The following CACHD1 variants were observed in gnomAD, a reference collection of about 807,000 sequenced individuals.
The protein encoded by CACHD1 is VWFA and cache domain-containing protein 1.
In CACHD1, 71 loss-of-function variants were observed where a neutral mutation model predicts 138.7. That is an observed-to-expected ratio of 0.51 (90% CI 0.42 to 0.62). The LOEUF (loss-of-function observed/expected upper bound fraction) is 0.62. Among genes scored for constraint, CACHD1 ranks in the 20% least tolerant of loss-of-function variants. CACHD1 has a pLI of 0.00. For missense variants in CACHD1, 1,389 were observed against 1,625.3 expected, an observed-to-expected ratio of 0.85 and a Z score of 2.50; for synonymous variants, 578 against 591.5, an observed-to-expected ratio of 0.98 and a Z score of 0.33.
chr1:64,607,557 A>G (rs1647379984), intron 4 of CACHD1, among the ~76,000 whole-genome samples: 1 of 152,200 alleles, frequency 6.6e-6, no homozygotes, highest in African/African-American at 2.4e-5. Flanking sequence ...GATATTTTTT[A>G]ATTGAGAGAA....
chr1:64,655,610 G>A (rs1649236958), intron 12 of CACHD1, among the ~76,000 whole-genome samples: 1 of 152,116 alleles, frequency 6.6e-6, no homozygotes, highest in Non-Finnish European at 1.5e-5. Flanking sequence ...CATAACTTGT[G>A]GCACCCATTT....
intron 4 of CACHD1, among the ~76,000 whole-genome samples, chr1:64,611,411 T>C (rs1647529535): frequency 6.6e-6 from 1 of 152,236 alleles, no homozygotes; most frequent in African/African-American, 2.4e-5. Context: ...ATTCCAGTTT[T>C]AGATAATCTC....
At chr1:64,509,953 C>T (rs964529891) in intron 1 of CACHD1, among the ~76,000 whole-genome samples, 3 of 152,178 alleles carry the variant, frequency 2.0e-5, no homozygotes, top group African/African-American at 7.2e-5. Flanking sequence ...GAAAAACTGG[C>T]AACCCAGATA....
At chr1:64,525,366 TATTTACCCGATTTGAAAAA>T (rs1646530175) in intron 1 of CACHD1, among the ~76,000 whole-genome samples, 2 of 152,156 alleles carry the variant, frequency 1.3e-5, no homozygotes, top group African/African-American at 4.8e-5. Flanking sequence ...GTCAACTTGA[TATTTACCCGATTTGAAAAA>T]TAACCTATCA....
chr1:64,654,558 A>C (rs1009423880), intron 11 of CACHD1, 128 bp from the exon 12 acceptor site: 3 of 683,204 alleles, frequency 4.4e-6, no homozygotes. Flanking sequence ...ATCCTTTCAA[A>C]ACTGATGAGC....
chr1:64,561,828 A>G (rs1256217191), intron 2 of CACHD1, among the ~76,000 whole-genome samples: 4 of 146,630 alleles, frequency 2.7e-5, no homozygotes, highest in Non-Finnish European at 4.5e-5. Flanking sequence ...GCTGCACTCC[A>G]GTCTGGGGAA....
At chr1:64,633,586 TA>T (rs1449105370) in intron 6 of CACHD1, among the ~76,000 whole-genome samples, 1 of 152,180 alleles carries the variant, frequency 6.6e-6, no homozygotes, top group Non-Finnish European at 1.5e-5. Flanking sequence ...TGGGTACAGC[TA>T]ATGATAATCT....
rs537294214 is a variant in CACHD1, at chr1:64,605,582, T to C, written c.517+2670T>C. On this transcript the variant is annotated intron_variant, in intron 4 of 26. Transcript: ENST00000651257. ...AGTCTGGTGTTGAGATTCTAGAAGCTCCATTAACCTCCTGGCTGTGTGACT... is the reference window on the plus strand; with the variant it reads ...AGTCTGGTGTTGAGATTCTAGAAGCCCCATTAACCTCCTGGCTGTGTGACT... Among the ~76,000 whole-genome samples, 6 of 152,270 alleles carry C rather than the reference T, an allele frequency of 3.9e-5. 1 individual carries two copies. The highest frequency in any genetic ancestry group is 1.4e-4 in the African/African-American group (6 of 41,550).
At chr1:64,504,424 T>C (rs1646356361) in intron 1 of CACHD1, among the ~76,000 whole-genome samples, 1 of 152,214 alleles carries the variant, frequency 6.6e-6, no homozygotes, top group Non-Finnish European at 1.5e-5. Context: ...TAGAACTGTT[T>C]CTTGAGGAAC....
At chr1:64,686,436 G>A (rs1650374184) in intron 26 of CACHD1, among the ~76,000 whole-genome samples, 1 of 152,084 alleles carries the variant, frequency 6.6e-6, no homozygotes, top group Non-Finnish European at 1.5e-5. Flanking sequence ...AATTTTAATT[G>A]TTGTATCTTA....
At chr1:64,513,125 A>G (rs1292407639) in intron 1 of CACHD1, among the ~76,000 whole-genome samples, 1 of 152,200 alleles carries the variant, frequency 6.6e-6, no homozygotes, top group Non-Finnish European at 1.5e-5. Context: ...ATTTACAGCA[A>G]TATTTCTGTG....
intron 3 of CACHD1, among the ~76,000 whole-genome samples, chr1:64,598,767 T>C (rs1219257244): frequency 6.6e-6 from 1 of 152,076 alleles, no homozygotes; most frequent in African/African-American, 2.4e-5. Context: ...ATGAATAAGA[T>C]AATTTGTTCA....
chr1:64,572,453 C>T lies in CACHD1; in HGVS notation c.262-9703C>T, dbSNP rs373147479. Reference sequence around the variant, plus strand: ...GTTAAGGGTAGAGTGGGGTGAAAAACAGGGCAAGAGTCCATTGAGCCCTTG... The same window carrying T: ...GTTAAGGGTAGAGTGGGGTGAAAAATAGGGCAAGAGTCCATTGAGCCCTTG... On this transcript the variant is annotated intron_variant, in intron 2 of 26. Transcript: ENST00000651257. Among the ~76,000 whole-genome samples the T allele has an allele frequency of 3.9e-5, 6 of 152,170 alleles. No individual in the cohort carries two copies. In the South Asian group the frequency reaches 1.0e-3, roughly 26 times the overall value.
chr1:64,672,745 A>G (rs1649857700), intron 17 of CACHD1, among the ~76,000 whole-genome samples: 1 of 152,202 alleles, frequency 6.6e-6, no homozygotes, highest in Non-Finnish European at 1.5e-5. Context: ...TCATTGAAAG[A>G]AGAAATTATA....
chr1:64,535,326 G>A (rs1646623065), intron 1 of CACHD1, among the ~76,000 whole-genome samples: 1 of 133,842 alleles, frequency 7.5e-6, no homozygotes, highest in Middle Eastern at 3.4e-3. Context: ...GAATTTGGAG[G>A]GTTTTTTTTT....
intron 16 of CACHD1, among the ~76,000 whole-genome samples, chr1:64,667,480 A>G (rs546235811): frequency 6.6e-6 from 1 of 152,298 alleles, no homozygotes; most frequent in Non-Finnish European, 1.5e-5. Flanking sequence ...ATCTGTCTGA[A>G]TCTGTCAGCT....
At chr1:64,546,800 T>C (rs537224742) in intron 1 of CACHD1, among the ~76,000 whole-genome samples, 18 of 152,212 alleles carry the variant, frequency 1.2e-4, no homozygotes, top group Non-Finnish European at 2.4e-4. Flanking sequence ...AAAAGCCCCG[T>C]ACTCTATTTC....
chr1:64,519,478 A>G (rs978491154), intron 1 of CACHD1, among the ~76,000 whole-genome samples: 4 of 152,244 alleles, frequency 2.6e-5, no homozygotes, highest in Admixed American at 2.6e-4. Flanking sequence ...TGACTTAGTA[A>G]TAGGGAACTG....
chr1:64,552,433 G>T (rs1023357496), intron 2 of CACHD1, among the ~76,000 whole-genome samples: 3 of 151,442 alleles, frequency 2.0e-5, no homozygotes, highest in Non-Finnish European at 4.4e-5. Context: ...AAATAAATAT[G>T]ACAGAAAGTT....
Sources: gnomAD v4.1 joint callset for allele counts (sites outside exome capture counted in the v4.1 genomes callset) on GRCh38, gnomAD v4.1.1 for gene constraint, MANE v1.5 for transcripts, NCBI Gene and HGNC (gene_info 2026-07-23, HGNC 2026-07-21) for gene names.